ZNF554: variants seen among roughly 807,000 people sequenced by gnomAD.
The protein encoded by ZNF554 is zinc finger protein 554.
ZNF554 carries 15 observed loss-of-function variants against 21.2 expected under a neutral mutation model. The ratio of observed to expected loss-of-function variants is 0.71; its 90% confidence interval spans 0.47 to 1.09. ZNF554 has a LOEUF of 1.09. Among genes scored for constraint, ZNF554 ranks in the 50% least tolerant of loss-of-function variants. The pLI is 0.00. For missense variants in ZNF554, 691 were observed against 662.7 expected (o/e 1.04, Z -0.47); for synonymous variants, 258 against 251.4 (o/e 1.03, Z -0.25).
chr19:2,822,487 G>T (rs1279007290), intron 1 of ZNF554, among the ~76,000 whole-genome samples: 1 of 152,182 alleles, frequency 6.6e-6, no homozygotes, highest in Non-Finnish European at 1.5e-5. Flanking sequence ...CTCAGGAAAT[G>T]CATGGAGCGC....
rs530292325 is a variant in ZNF554, at chr19:2,821,984, A to T, written c.54-1056A>T. On this transcript the variant is annotated intron_variant, in intron 1 of 4. Transcript: ENST00000317243. This position sits in a 1 kb window ranked among gnomAD's most constrained non-coding sequence, Gnocchi z 8.2. ...AGCTGTCTCTTTCTCTTATAAGGAC[A>T]ATACTCATGACCCCAGTAGCTGGAA... Among the ~76,000 whole-genome samples, 1 of 152,274 alleles carries T rather than the reference A, an allele frequency of 6.6e-6. No homozygotes were observed. Among genetic ancestry groups the T allele is most frequent in the East Asian group, 1.9e-4 (1 of 5,170 alleles).
intron 2 of ZNF554, among the ~76,000 whole-genome samples, chr19:2,826,853 GGGGTTTCACT>G (rs1160771495): frequency 6.6e-6 from 1 of 151,968 alleles, no homozygotes; most frequent in Non-Finnish European, 1.5e-5. Flanking sequence ...TAGTAGAGAC[GGGGTTTCACT>G]GCGTTCGCCA....
In ZNF554 at chr19:2,834,480, A is replaced by T. The variant is rs2087470431; in HGVS notation, c.1245A>T (p.Lys415Asn). The T allele has an allele frequency of 6.2e-7, 1 of 1,613,970 alleles. No individual in the cohort carries two copies. Among genetic ancestry groups the T allele is most frequent in the Admixed American group, 1.7e-5 (1 of 59,992 alleles). The change falls in exon 5 of 5, where the codon AAA becomes AAT. Residue 415 changes from lysine to asparagine, a missense_variant. Lys to Asn is a moderately conservative substitution (Grantham distance 94). Transcript: ENST00000317243. ...CCTATAAATGTGAAGACTGTGGGAA[A>T]TCCTTCTGCCAGAGCTCTTACCTGA... ...EKPYKCEDCG[K>N]SFCQSSYLIL...
At chr19:2,824,710 A>G (rs1215160803) in intron 2 of ZNF554, among the ~76,000 whole-genome samples, 1 of 152,240 alleles carries the variant, frequency 6.6e-6, no homozygotes, top group Non-Finnish European at 1.5e-5. Context: ...GATGAAACAC[A>G]TGAAATACAT....
intron 4 of ZNF554, chr19:2,833,154 T>A (rs1483417074): frequency 6.5e-6 from 1 of 152,728 alleles, no homozygotes; most frequent in African/African-American, 2.4e-5. Context: ...TTCTTTTTTT[T>A]TGAAACAGTC....
intron 3 of ZNF554, chr19:2,831,647 G>T (rs1357140452): frequency 6.8e-6 from 1 of 147,222 alleles, no homozygotes; most frequent in Non-Finnish European, 1.5e-5. Context: ...GCCCAGCCTG[G>T]GGTGCAGTGG....
chr19:2,820,151 G>C lies in ZNF554; in HGVS notation c.53+27G>C, dbSNP rs1381166551. On this transcript the variant is annotated intron_variant, in intron 1 of 4. Coordinates refer to ENST00000317243, the MANE Select transcript of ZNF554 (RefSeq NM_001102651.2). ...TAAGTGCCGCCGCCTCCCGCGCCGCGACCTCCGTGCCGGGCCTGCCGGGGC... is the reference window on the plus strand; with the variant it reads ...TAAGTGCCGCCGCCTCCCGCGCCGCCACCTCCGTGCCGGGCCTGCCGGGGC... The C allele has an allele frequency of 9.0e-6, 11 of 1,218,524 alleles. No homozygotes were observed. The East Asian group carries it at 1.3e-4, about 15-fold the overall frequency. 75.5% of individuals were successfully genotyped at this position (1,218,524 alleles called of 1,614,324 possible).
chr19:2,832,269 T>C (rs1350216968), intron 3 of ZNF554, 34 bp from the exon 4 acceptor site: 1 of 1,525,330 alleles, frequency 6.6e-7, no homozygotes, highest in East Asian at 2.3e-5. Context: ...CATTATCTTG[T>C]GCTACCTCTC....
In ZNF554 at chr19:2,826,918, T is replaced by A. The variant is rs147153582; in HGVS notation, c.127-699T>A. Among the ~76,000 whole-genome samples the A allele has an allele frequency of 7.6e-3, 1,158 of 152,258 alleles. 13 individuals carry two copies. Among genetic ancestry groups the A allele is most frequent in the African/African-American group, 0.026 (1,097 of 41,560 alleles). On this transcript the variant is annotated intron_variant, in intron 2 of 4. Transcript: ENST00000317243. ...ACGTCGTGATCCACCCGCCTCGGCC[T>A]CTCAAAGTGCTGGGATTACAGGTGT...
In ZNF554 at chr19:2,820,125, G is replaced by GT; in HGVS notation, c.53+2dup. The GT allele has an allele frequency of 4.1e-6, 5 of 1,221,092 alleles. No homozygotes were observed. Among genetic ancestry groups the GT allele is most frequent in the Non-Finnish European group, 3.1e-6 (3 of 981,070 alleles). The allele number at this position is 1,221,092 out of a possible 1,614,324, so 75.6% of individuals were successfully genotyped here. ...GCGCGCGGCTCCCGGCAGCTCAGCC[G>GT]TAAGTGCCGCCGCCTCCCGCGCCGC... On this transcript the variant is annotated splice_donor_variant, in intron 1 of 4. Transcript: ENST00000317243. LOFTEE classifies it high-confidence loss of function.
At chr19:2,832,140 G>T (rs1423791653) in intron 3 of ZNF554, 163 bp from the exon 4 acceptor site, 1 of 541,250 alleles carries the variant, frequency 1.8e-6, no homozygotes, top group African/African-American at 1.9e-5. Context: ...TGGCCAGGCT[G>T]GTCTCAAACT....
rs1156284212 is a variant in ZNF554, at chr19:2,821,955, G to T, written c.54-1085G>T. 6.6e-6 allele frequency among the ~76,000 whole-genome samples: 1 copy of T among 152,074 alleles called. No individual in the cohort carries two copies. Among genetic ancestry groups the T allele is most frequent in the Non-Finnish European group, 1.5e-5 (1 of 68,024 alleles). On this transcript the variant is annotated intron_variant, in intron 1 of 4. Coordinates refer to ENST00000317243, the MANE Select transcript of ZNF554 (RefSeq NM_001102651.2). This position sits in a 1 kb window ranked among gnomAD's most constrained non-coding sequence, Gnocchi z 8.2. ...TGGGATTACAGACGTGAGTCACCTA[G>T]TCCAGCTGTCTCTTTCTCTTATAAG...
rs1029844 is a variant in ZNF554, at chr19:2,836,485, C to T, written c.*1633C>T. Reference sequence around the variant, plus strand: ...CCAGAGTATATGCTAAGACGGAAAGCGCTTTGGAGGTAAAGTTTAAAAAAT... The same window carrying T: ...CCAGAGTATATGCTAAGACGGAAAGTGCTTTGGAGGTAAAGTTTAAAAAAT... On this transcript the variant is annotated 3_prime_UTR_variant, in exon 5 of 5. Coordinates refer to ENST00000317243, the MANE Select transcript of ZNF554 (RefSeq NM_001102651.2). 0.69 allele frequency among the ~76,000 whole-genome samples: 104,092 copies of T among 151,826 alleles called. 36,680 individuals carry two copies. Among genetic ancestry groups the T allele is most frequent in the East Asian group, 1 (5,176 of 5,182 alleles).
rs2087256201 is a variant in ZNF554 at position 2,821,016 on chromosome 19, GCTGACCTTT to G, written c.53+896_53+904del. 6.6e-6 allele frequency among the ~76,000 whole-genome samples: 1 copy of G among 151,624 alleles called. No homozygotes were observed. Among genetic ancestry groups the G allele is most frequent in the Non-Finnish European group, 1.5e-5 (1 of 68,004 alleles). On this transcript the variant is annotated intron_variant, in intron 1 of 4. Transcript: ENST00000317243. The surrounding 1 kb of genome is among the most constrained non-coding windows in gnomAD (Gnocchi z 8.2). ...CCCATGTTGAGGAATGAGGGAGGCAGCTGACCTTTCTGCTGCTCTAGCAACCCCAACCTC... is the reference window on the plus strand; with the variant it reads ...CCCATGTTGAGGAATGAGGGAGGCAGCTGCTGCTCTAGCAACCCCAACCTC...
rs1167755182 is a variant in ZNF554 at position 2,832,208 on chromosome 19, G to A, written c.254-95G>A. The A allele has an allele frequency of 6.2e-6, 8 of 1,286,764 alleles. No individual in the cohort carries two copies. The African/African-American group carries it at 1.2e-4, about 19-fold the overall frequency. 79.7% of individuals were successfully genotyped at this position (1,286,764 alleles called of 1,614,324 possible). ...CCCAAATTGCTGGGATTACAGGAGT[G>A]AGCCACCATGCCTGGCACAGATCTG... On this transcript the variant is annotated intron_variant, in intron 3 of 4. Transcript: ENST00000317243.
rs762586098 is a variant in ZNF554 at position 2,820,684 on chromosome 19, C to CTTT, written c.53+574_53+576dup. ...TCCTGGTGATAAGACAGCAAGGGTCCTTTTTTTTTTTTTTTTGAGACGGAG... is the reference window on the plus strand; with the variant it reads ...TCCTGGTGATAAGACAGCAAGGGTCCTTTTTTTTTTTTTTTTTTTGAGACGGAG... On this transcript the variant is annotated intron_variant, in intron 1 of 4. Coordinates refer to ENST00000317243, the MANE Select transcript of ZNF554 (RefSeq NM_001102651.2). Among the ~76,000 whole-genome samples, 130 of 103,186 alleles carry CTTT rather than the reference C, an allele frequency of 1.3e-3. 8 individuals are homozygous for CTTT. Among genetic ancestry groups the CTTT allele is most frequent in the South Asian group, 4.6e-3 (14 of 3,060 alleles). The allele number at this position is 103,186 out of a possible 152,430, so 67.7% of individuals were successfully genotyped here.
chr19:2,820,683 C>A (rs1331016218), intron 1 of ZNF554, among the ~76,000 whole-genome samples: 2 of 81,836 alleles, frequency 2.4e-5, no homozygotes, highest in East Asian at 4.0e-4. Flanking sequence ...CAGCAAGGGT[C>A]CTTTTTTTTT....
At chr19:2,829,633 C>T in intron 3 of ZNF554, among the ~76,000 whole-genome samples, 1 of 152,002 alleles carries the variant, frequency 6.6e-6, no homozygotes. Flanking sequence ...GCAAAACTCC[C>T]TGTCAAAAAA....
chr19:2,828,342 C>G (rs907829064), intron 3 of ZNF554, among the ~76,000 whole-genome samples: 1 of 152,214 alleles, frequency 6.6e-6, no homozygotes, highest in Non-Finnish European at 1.5e-5. Context: ...GATAACTTCT[C>G]TGATTCCCCT....
Sources: gnomAD v4.1 joint callset for allele counts (sites outside exome capture counted in the v4.1 genomes callset) on GRCh38, gnomAD v4.1.1 for gene constraint, Gnocchi (gnomAD v3.1) non-coding constraint, MANE v1.5 for transcripts, NCBI Gene and HGNC (gene_info 2026-07-23, HGNC 2026-07-21) for gene names.